Variants in ADA observed in about 807,000 individuals in gnomAD.
ADA encodes the protein adenosine deaminase, also known as adenosine aminohydrolase.
In ADA, 45 loss-of-function variants were observed where a neutral mutation model predicts 49.0. The ratio of observed to expected loss-of-function variants is 0.92; its 90% CI spans 0.72 to 1.18. ADA has a LOEUF of 1.18. ADA is among the 50% of genes most tolerant of loss of function. The pLI is 0.00. For missense variants in ADA, 445 were observed against 472.5 expected (o/e 0.94, Z 0.54); for synonymous variants, 173 against 184.2 (o/e 0.94, Z 0.49).
intron 10 of ADA, 50 bp downstream of exon 10, chr20:44,620,968 A>G: frequency 6.2e-7 from 1 of 1,612,216 alleles, no homozygotes; most frequent in Non-Finnish European, 8.5e-7. Context: ...ACCTGTAGAT[A>G]CCATACTCCC....
At chr20:44,630,996 G>C (rs796566287) in intron 2 of ADA, among the ~76,000 whole-genome samples, 14 of 152,304 alleles carry the variant, frequency 9.2e-5, no homozygotes, top group African/African-American at 3.4e-4. Flanking sequence ...TTGGGTGACA[G>C]AGCAAGACCC....
At chr20:44,649,384 T>C (rs1003214325) in intron 1 of ADA, among the ~76,000 whole-genome samples, 8 of 151,982 alleles carry the variant, frequency 5.3e-5, no homozygotes, top group Admixed American at 3.9e-4. Flanking sequence ...CTCACAATCA[T>C]ACAAGATTTG....
intron 10 of ADA, 58 bp from the exon 11 acceptor site, chr20:44,620,459 A>G: frequency 2.1e-6 from 3 of 1,413,622 alleles, no homozygotes; most frequent in African/African-American, 1.4e-5. Flanking sequence ...GGCAGCTCTT[A>G]GCAATGTAGT....
chr20:44,641,733 T>C (rs950163485), intron 1 of ADA, among the ~76,000 whole-genome samples: 1 of 151,786 alleles, frequency 6.6e-6, no homozygotes, highest in Non-Finnish European at 1.5e-5. Flanking sequence ...TGGCTACTTC[T>C]GGCTAAAGTA....
At chr20:44,649,730 C>CTTTTTTTT (rs755647195) in intron 1 of ADA, among the ~76,000 whole-genome samples, 3 of 81,854 alleles carry the variant, frequency 3.7e-5, no homozygotes, top group Admixed American at 1.6e-4. Flanking sequence ...ATCAAGGAGC[C>CTTTTTTTT]TTTTTTTTTT....
intron 1 of ADA, among the ~76,000 whole-genome samples, chr20:44,636,702 C>T (rs777336925): frequency 6.6e-6 from 1 of 152,186 alleles, no homozygotes; most frequent in Non-Finnish European, 1.5e-5. Flanking sequence ...AGGCAGCTCC[C>T]GCTCTCAGCC....
intron 1 of ADA, among the ~76,000 whole-genome samples, chr20:44,638,555 C>A (rs1289340779): frequency 6.6e-6 from 1 of 151,940 alleles, no homozygotes; most frequent in African/African-American, 2.4e-5. Context: ...CCAGCCTGGG[C>A]GACAAGAGCG....
At chr20:44,622,710 C>T (rs1057292007) in intron 8 of ADA, 58 bp from the exon 9 acceptor site, 2 of 1,613,326 alleles carry the variant, frequency 1.2e-6, no homozygotes, top group Admixed American at 1.7e-5. Flanking sequence ...GATTCCTCCC[C>T]CCATGTCTGG....
chr20:44,648,457 T>C (rs570830169), intron 1 of ADA, among the ~76,000 whole-genome samples: 1 of 152,054 alleles, frequency 6.6e-6, no homozygotes, highest in Non-Finnish European at 1.5e-5. Flanking sequence ...ACACTGACCA[T>C]ACAGGGGTAT....
In ADA at chr20:44,636,053, G is replaced by A; in HGVS notation, c.95+174C>T. ...TCAGGAGTTGGTCTGCGGGTCTCCA[G>A]CTCAGTGCTGAGGCCTCCATGTCCT... is the stretch of plus-strand genomic sequence containing the variant. On this transcript the variant is annotated intron_variant, in intron 2 of 11. Transcript: ENST00000372874. 3 of 668,090 alleles carry A rather than the reference G, an allele frequency of 4.5e-6. 1 individual carries two copies. The Middle Eastern group carries it at 1.2e-3, about 270-fold the overall frequency. The allele number at this position is 668,090 out of a possible 1,614,324, so 41.4% of individuals were successfully genotyped here.
intron 10 of ADA, 118 bp downstream of exon 10, chr20:44,620,900 C>A (rs1010038000): frequency 1.4e-6 from 2 of 1,431,152 alleles, no homozygotes; most frequent in Non-Finnish European, 2.0e-6. Context: ...TTGGGCTTGT[C>A]TTGGACTGTT....
rs2145367263 is a variant in ADA, at chr20:44,651,665, G to A, written c.-58C>T. The stretch of plus-strand genomic sequence containing the variant: ...CGCCGCCGCTCGGTGGGTCTCTGCC[G>A]GCTCGGTGGCCGCTCGGCTTTCCCT... On this transcript the variant is annotated 5_prime_UTR_variant, in exon 1 of 12. Transcript: ENST00000372874. 2.7e-6 allele frequency: 4 copies of A among 1,457,428 alleles called. No homozygotes were observed. Among genetic ancestry groups the A allele is most frequent in the African/African-American group, 1.5e-5 (1 of 67,540 alleles). 90.3% of individuals were successfully genotyped at this position (1,457,428 alleles called of 1,614,324 possible).
In ADA at chr20:44,620,484, T is replaced by C. The variant is rs888547406; in HGVS notation, c.976-83A>G. 2.2e-5 allele frequency: 25 copies of C among 1,162,712 alleles called. No homozygotes were observed. The Admixed American group carries it at 3.6e-4, about 17-fold the overall frequency. The allele number at this position is 1,162,712 out of a possible 1,614,324, so 72.0% of individuals were successfully genotyped here. On this transcript the variant is annotated intron_variant, in intron 10 of 11. Coordinates refer to ENST00000372874, the MANE Select transcript of ADA (RefSeq NM_000022.4). ...AGCAATGTAGTGATAGTCCATCCTC[T>C]TCACTCAACATGGGCAGATACGCTT...
chr20:44,650,483 A>C (rs767711963), intron 1 of ADA, among the ~76,000 whole-genome samples: 1 of 152,018 alleles, frequency 6.6e-6, no homozygotes, highest in Non-Finnish European at 1.5e-5. Flanking sequence ...GCTGAAGTGC[A>C]GTGGCACCAT....
chr20:44,642,989 G>A lies in ADA; in HGVS notation c.34-6701C>T, dbSNP rs575116612. ...CGGCTGCCTGAGAAGAGGCCCAGAC[G>A]CGTTTCAGGTGTGGAGCAGAGGCAG... On this transcript the variant is annotated intron_variant, in intron 1 of 11. Transcript: ENST00000372874. 3.3e-5 allele frequency among the ~76,000 whole-genome samples: 5 copies of A among 152,206 alleles called. No individual in the cohort carries two copies. In the South Asian group the frequency reaches 8.3e-4, roughly 25 times the overall value.
rs35587028 is a variant in ADA at position 44,627,183 on chromosome 20, C to CTT, written c.219-586_219-585dup. On this transcript the variant is annotated intron_variant, in intron 3 of 11. Transcript: ENST00000372874. ...GAGAGGCCTTCCCTGACCACCTTAT[C>CTT]TTTTTTTTTTTTTTTTGAGACAGAA... is the stretch of plus-strand genomic sequence containing the variant. 6.0e-3 allele frequency among the ~76,000 whole-genome samples: 842 copies of CTT among 140,692 alleles called. 9 individuals are homozygous for CTT. The highest frequency in any genetic ancestry group is 0.02 in the African/African-American group (785 of 38,384). The allele number at this position is 140,692 out of a possible 152,430, so 92.3% of individuals were successfully genotyped here.
At chr20:44,648,138 G>A (rs1230102680) in intron 1 of ADA, among the ~76,000 whole-genome samples, 1 of 152,122 alleles carries the variant, frequency 6.6e-6, no homozygotes, top group Admixed American at 6.5e-5. Context: ...GATCAGCACT[G>A]GCCTCCAGGA....
intron 1 of ADA, among the ~76,000 whole-genome samples, chr20:44,641,913 G>A (rs1208605014): frequency 5.9e-5 from 9 of 151,624 alleles, no homozygotes; most frequent in African/African-American, 1.5e-4. Context: ...GATTACAGGC[G>A]CCCACCACCA....
chr20:44,640,690 A>G (rs901296019), intron 1 of ADA, among the ~76,000 whole-genome samples: 2 of 151,498 alleles, frequency 1.3e-5, no homozygotes, highest in Non-Finnish European at 2.9e-5. Context: ...AAATTACCTT[A>G]TATGGCAAAG....
Sources: gnomAD v4.1 joint callset for allele counts (sites outside exome capture counted in the v4.1 genomes callset) on GRCh38, gnomAD v4.1.1 for gene constraint, MANE v1.5 for transcripts, NCBI Gene and HGNC (gene_info 2026-07-23, HGNC 2026-07-21) for gene names.